The following ANKRD18A variants were observed in gnomAD, a reference collection of about 807,000 sequenced individuals.
ANKRD18A encodes the protein ankyrin repeat domain 18A.
In ANKRD18A, 72 loss-of-function variants were observed where a neutral mutation model predicts 110.6. The ratio of observed to expected loss-of-function variants is 0.65; its 90% CI spans 0.54 to 0.79. ANKRD18A has a LOEUF of 0.79. Ranked by LOEUF, ANKRD18A falls within the 30% of genes least tolerant of loss-of-function variation. ANKRD18A has a pLI of 0.00. For synonymous variants in ANKRD18A, 305 were observed against 410.3 expected, an observed-to-expected ratio of 0.74 and a Z score of 3.10; for missense variants, 934 against 1,163.3, an observed-to-expected ratio of 0.80 and a Z score of 2.87.
At position 38,575,600 on chromosome 9, in the gene ANKRD18A, T is replaced by C. The variant is rs779210858; in HGVS notation, c.2840A>G (p.Glu947Gly). The C allele has an allele frequency of 2.6e-5, 41 of 1,551,538 alleles. No homozygotes were observed. The highest frequency in any genetic ancestry group is 3.3e-5 in the Non-Finnish European group (38 of 1,146,846). The change falls in exon 15 of 16, where the codon GAG (glutamate) becomes GGG (glycine). Residue 947 changes from glutamate to glycine, a missense_variant. Glu to Gly is a moderately conservative substitution (Grantham distance 98). Around this residue, in one of 4 missense-constraint regions of ANKRD18A, gnomAD observed 223 missense variants for 226.7 expected, o/e 0.98. Coordinates refer to ENST00000399703, the MANE Select transcript of ANKRD18A (RefSeq NM_147195.4). ...ATTAAGATTTTCAACACAAGGTAAC[T>C]CTGGTTCTGGCCTTGTAGGAAGAGT... is the stretch of plus-strand genomic sequence containing the variant. Reference protein sequence around the residue: ...LSTLPTRPEPELPCVENLNSI... With the variant: ...LSTLPTRPEPGLPCVENLNSI...
chr9:38,601,327 G>A (rs1396349078), intron 7 of ANKRD18A, 123 bp from the exon 8 acceptor site: 2 of 984,092 alleles, frequency 2.0e-6, no homozygotes, highest in African/African-American at 1.7e-5. Flanking sequence ...ATGTTTACTG[G>A]AATATTTACA....
chr9:38,595,964 C>T lies in ANKRD18A; in HGVS notation c.1376G>A (p.Gly459Asp), dbSNP rs753857974. 8.4e-6 allele frequency: 13 copies of T among 1,550,112 alleles called. No homozygotes were observed. In the South Asian group the frequency reaches 1.4e-4, roughly 17 times the overall value. The change falls in exon 9 of 16, where the codon GGT (glycine) becomes GAT (aspartate). Residue 459 changes from glycine to aspartate, a missense_variant. Physicochemically the swap from Gly to Asp is moderately conservative, Grantham distance 94. Coordinates refer to ENST00000399703, the MANE Select transcript of ANKRD18A (RefSeq NM_147195.4). ...ADDVSRHEKMGSNISQLTDKN... is the reference protein window; with the variant it reads ...ADDVSRHEKMDSNISQLTDKN... ...ATCTGTTAGTTGAGAAATATTAGAA[C>T]CCATTTTTTCATGTCTAGAAACATC...
chr9:38,612,685 C>G (rs1044543201), intron 3 of ANKRD18A, among the ~76,000 whole-genome samples: 2 of 151,566 alleles, frequency 1.3e-5, no homozygotes, highest in Admixed American at 6.6e-5. Flanking sequence ...ACCTGGCTAA[C>G]TTTTTGTATT....
At chr9:38,571,238 G>A (rs1260535485), downstream of ANKRD18A, 6 of 1,478,260 alleles carry the variant, frequency 4.1e-6, no homozygotes, top group Admixed American at 1.3e-4. Context: ...AGAACACCTT[G>A]TGCCAGAAAG....
chr9:38,616,860 T>C (rs1025901708), intron 1 of ANKRD18A, among the ~76,000 whole-genome samples: 1 of 152,232 alleles, frequency 6.6e-6, no homozygotes, highest in Non-Finnish European at 1.5e-5. Flanking sequence ...GGTCACATTT[T>C]AGCATATCTG....
At chr9:38,585,535 C>T (rs990578385) in intron 12 of ANKRD18A, among the ~76,000 whole-genome samples, 2 of 152,092 alleles carry the variant, frequency 1.3e-5, no homozygotes, top group African/African-American at 4.8e-5. Context: ...TTGGGTAATC[C>T]AGGGCCACAG....
rs1380852862 is a variant in ANKRD18A at position 38,611,231 on chromosome 9, C to T, written c.586G>A (p.Val196Ile). 9 of 1,523,378 alleles carry T rather than the reference C, an allele frequency of 5.9e-6. No individual in the cohort carries two copies. The highest frequency in any genetic ancestry group is 5.1e-5 in the South Asian group (4 of 78,414). The allele number at this position is 1,523,378 out of a possible 1,614,324, so 94.4% of individuals were successfully genotyped here. ...CTATTGCACCTTTTGAAATTGTCAACGGCATGTATATTTGCCTGGTTCTTC... is the reference window on the plus strand; with the variant it reads ...CTATTGCACCTTTTGAAATTGTCAATGGCATGTATATTTGCCTGGTTCTTC... The part of the protein sequence containing the change: ...LLKNQANIHA[V>I]DNFKRTALIL... The change falls in exon 4 of 16, where the codon GTT (valine) becomes ATT (isoleucine). Residue 196 changes from valine (V) to isoleucine (I), a missense_variant. Coordinates refer to ENST00000399703, the MANE Select transcript of ANKRD18A (RefSeq NM_147195.4).
rs184670415 is a variant in ANKRD18A at position 38,576,461 on chromosome 9, C to G, written c.2741+592G>C. Among the ~76,000 whole-genome samples, 4 of 152,324 alleles carry G rather than the reference C, an allele frequency of 2.6e-5. No homozygotes were observed. In the East Asian group the frequency reaches 7.7e-4, roughly 29 times the overall value. On this transcript the variant is annotated intron_variant, in intron 14 of 15. Coordinates refer to ENST00000399703, the MANE Select transcript of ANKRD18A (RefSeq NM_147195.4). Reference sequence around the variant, plus strand: ...CTGAAAAAGGTGTTATTTTTGAACCCTTGTGGATTACCCTTCTTTTCATTC... The same window carrying G: ...CTGAAAAAGGTGTTATTTTTGAACCGTTGTGGATTACCCTTCTTTTCATTC...
chr9:38,591,132 ATTTT>A (rs916755859), intron 10 of ANKRD18A, among the ~76,000 whole-genome samples: 1 of 140,228 alleles, frequency 7.1e-6, no homozygotes, highest in Admixed American at 7.2e-5. Context: ...CAGCTGTTTA[ATTTT>A]TTTTTTTTTT....
chr9:38,618,293 A>T (rs1825939545), intron 1 of ANKRD18A, among the ~76,000 whole-genome samples: 1 of 152,188 alleles, frequency 6.6e-6, no homozygotes. Context: ...GAAGTTACAA[A>T]TTTTATCCTA....
At chr9:38,579,458 C>A (rs1284470918) in intron 12 of ANKRD18A, among the ~76,000 whole-genome samples, 1 of 152,018 alleles carries the variant, frequency 6.6e-6, no homozygotes, top group Admixed American at 6.6e-5. Context: ...AACTCAAACA[C>A]CCTGACAGTA....
rs913499720 is a variant in ANKRD18A at position 38,620,391 on chromosome 9, G to A, written c.-106C>T. ...AAATCCGCGATCTCCCCCGCAACCC[G>A]CGATCCCCCCCGCAACCCGCGATCC... On this transcript the variant is annotated 5_prime_UTR_variant, in exon 1 of 16. Coordinates refer to ENST00000399703, the MANE Select transcript of ANKRD18A (RefSeq NM_147195.4). The A allele has an allele frequency of 9.8e-6, 9 of 916,276 alleles. No homozygotes were observed. The highest frequency in any genetic ancestry group is 1.3e-5 in the Non-Finnish European group (9 of 676,220). 56.8% of individuals were successfully genotyped at this position (916,276 alleles called of 1,614,324 possible).
intron 5 of ANKRD18A, among the ~76,000 whole-genome samples, chr9:38,609,217 C>G (rs529558618): frequency 1.3e-5 from 2 of 151,320 alleles, no homozygotes; most frequent in South Asian, 2.1e-4. Flanking sequence ...CGGTGGCTCA[C>G]GCCTGTAATC....
chr9:38,596,831 C>T (rs1824903333), intron 8 of ANKRD18A, among the ~76,000 whole-genome samples: 1 of 152,150 alleles, frequency 6.6e-6, no homozygotes, highest in African/African-American at 2.4e-5. Context: ...CAGATAAAAT[C>T]TCTCAAAGTT....
intron 8 of ANKRD18A, among the ~76,000 whole-genome samples, chr9:38,599,346 G>A (rs1274822968): frequency 6.6e-6 from 1 of 152,162 alleles, no homozygotes; most frequent in Non-Finnish European, 1.5e-5. Context: ...AGATTACGGG[G>A]CACTCCCTTT....
At chr9:38,570,806 C>G (rs1268844427), downstream of ANKRD18A, among the ~76,000 whole-genome samples, 1 of 152,228 alleles carries the variant, frequency 6.6e-6, no homozygotes, top group African/African-American at 2.4e-5. Context: ...GCCTCAGGCT[C>G]CAGGTACCCA....
intron 1 of ANKRD18A, among the ~76,000 whole-genome samples, chr9:38,618,967 G>A (rs184156719): frequency 6.7e-6 from 1 of 149,266 alleles, no homozygotes; most frequent in African/African-American, 2.4e-5. Flanking sequence ...ATTCCCTGTA[G>A]GATGAAGATA....
rs1825414978 is a variant in ANKRD18A, at chr9:38,607,492, T to C, written c.742A>G (p.Ile248Val). The part of the protein sequence containing the change: ...DYALCSDLRS[I>V]RQQILEHKNK... ...TTATGTTCCAAAATTTGTTGTCGGA[T>C]GCTATGCATAATAAACGTAATAAAA... Residue 248 changes from isoleucine (I) to valine (V), a missense_variant and splice_region_variant, in exon 6 of 16, where the codon ATC becomes GTC. Physicochemically the swap from Ile to Val is conservative, Grantham distance 29 (BLOSUM62 3). Around this residue, in one of 4 missense-constraint regions of ANKRD18A, gnomAD observed 630 missense variants for 797.5 expected, o/e 0.79. Coordinates refer to ENST00000399703, the MANE Select transcript of ANKRD18A (RefSeq NM_147195.4). The C allele has an allele frequency of 6.8e-7, 1 of 1,477,532 alleles. No homozygotes were observed. Among genetic ancestry groups the C allele is most frequent in the Non-Finnish European group, 9.0e-7 (1 of 1,107,730 alleles). The allele number at this position is 1,477,532 out of a possible 1,614,324, so 91.5% of individuals were successfully genotyped here. A position where few individuals can be genotyped will look rare whatever the true frequency, so the allele number is the denominator to read the frequency against.
At chr9:38,579,834 G>C (rs894452953) in intron 12 of ANKRD18A, among the ~76,000 whole-genome samples, 2 of 152,086 alleles carry the variant, frequency 1.3e-5, no homozygotes, top group African/African-American at 4.8e-5. Context: ...GGGTATTCAG[G>C]CAACAGAAAA....
Sources: gnomAD v4.1 joint callset for allele counts (sites outside exome capture counted in the v4.1 genomes callset) on GRCh38, gnomAD v4.1.1 for gene constraint, gnomAD v4.1.1 regional missense constraint, MANE v1.5 for transcripts, NCBI Gene and HGNC (gene_info 2026-07-23, HGNC 2026-07-21) for gene names.